The following AHSA1 variants were observed in gnomAD, a reference collection of about 807,000 sequenced individuals.
AHSA1 encodes the protein activator of HSP90 ATPase activity 1, also known as activator of 90 kDa heat shock protein ATPase homolog 1.
Under a neutral mutation model 46.1 loss-of-function variants are expected in AHSA1, and 14 were observed. The observed-to-expected ratio is 0.30, with a 90% confidence interval of 0.20 to 0.47. The LOEUF is 0.47. Among genes scored for constraint, AHSA1 ranks in the 20% least tolerant of loss-of-function variants. The pLI, the probability that AHSA1 is intolerant of heterozygous loss-of-function variation, is 0.99. For synonymous variants in AHSA1, 147 were observed against 145.8 expected (o/e 1.01, Z -0.06); for missense variants, 333 against 415.9 (o/e 0.80, Z 1.73).
chr14:77,461,702 G>A (rs1461064096), intron 2 of AHSA1, among the ~76,000 whole-genome samples: 2 of 152,164 alleles, frequency 1.3e-5, no homozygotes, highest in Non-Finnish European at 2.9e-5. Context: ...AGATGTGTGT[G>A]TTTTATGTAT....
rs142340978 is a variant in AHSA1, at chr14:77,462,228, G to A, written c.340G>A (p.Val114Met). ...CCCCAATTTGTCTGATGAAAACAGC[G>A]TGGATGAAGTGGAGGTTTGTGCTTC... ...EIPNLSDENS[V>M]DEVEISVSLA... The change falls in exon 3 of 9, where the codon GTG (valine) becomes ATG (methionine). Residue 114 changes from valine (V) to methionine (M), a missense_variant. Val to Met is a conservative substitution (Grantham distance 21). Coordinates refer to ENST00000216479, the MANE Select transcript of AHSA1 (RefSeq NM_012111.3). 9.6e-5 allele frequency: 155 copies of A among 1,613,254 alleles called. 1 individual carries two copies. The highest frequency in any genetic ancestry group is 2.4e-4 in the African/African-American group (18 of 74,900).
At chr14:77,462,356 C>A in intron 3 of AHSA1, 114 bp downstream of exon 3, 2 of 1,034,724 alleles carry the variant, frequency 1.9e-6, no homozygotes, top group South Asian at 1.5e-5. Context: ...CATTCAGAAC[C>A]CTAGCCTGCA....
chr14:77,458,912 T>C (rs573941611), intron 1 of AHSA1, among the ~76,000 whole-genome samples: 39 of 152,366 alleles, frequency 2.6e-4, no homozygotes, highest in Non-Finnish European at 5.0e-4. Flanking sequence ...TCCTTATTTT[T>C]GAATTCCACT....
chr14:77,464,890 T>C (rs980529899), intron 5 of AHSA1, among the ~76,000 whole-genome samples: 1 of 152,216 alleles, frequency 6.6e-6, no homozygotes, highest in Admixed American at 6.5e-5. Context: ...CGCAGACCTT[T>C]AGAGCAAGTA....
At chr14:77,464,559 A>G (rs2079039937) in intron 4 of AHSA1, 39 bp from the exon 5 acceptor site, 1 of 1,557,588 alleles carries the variant, frequency 6.4e-7, no homozygotes, top group Non-Finnish European at 8.8e-7. Flanking sequence ...CTCAGCTACT[A>G]AGAAGTAACT....
At chr14:77,459,950 C>T (rs2079014548) in intron 2 of AHSA1, 144 bp downstream of exon 2, 6 of 862,672 alleles carry the variant, frequency 7.0e-6, no homozygotes, top group South Asian at 6.4e-5. Flanking sequence ...AAAGCAGTAT[C>T]GAGTCCTGGA....
chr14:77,463,926 G>A (rs1177847639), intron 4 of AHSA1, among the ~76,000 whole-genome samples: 1 of 152,258 alleles, frequency 6.6e-6, no homozygotes, highest in Non-Finnish European at 1.5e-5. Flanking sequence ...AAGGCAGAGT[G>A]GAGGAAAGGC....
At chr14:77,459,858 T>C in intron 2 of AHSA1, 52 bp downstream of exon 2, 6 of 1,595,720 alleles carry the variant, frequency 3.8e-6, no homozygotes, top group Non-Finnish European at 5.2e-6. Context: ...GTTTAACCTG[T>C]TAAGTAGCTG....
chr14:77,465,493 T>C, intron 5 of AHSA1, 46 bp from the exon 6 acceptor site: 1 of 1,598,254 alleles, frequency 6.3e-7, no homozygotes, highest in South Asian at 1.1e-5. Context: ...TTGATTGAGG[T>C]TGTATCATTA....
At chr14:77,460,417 T>C (rs568825390) in intron 2 of AHSA1, among the ~76,000 whole-genome samples, 1 of 140,816 alleles carries the variant, frequency 7.1e-6, no homozygotes, top group East Asian at 1.9e-4. Context: ...GCATGAAATT[T>C]GTGCTTTGAT....
At chr14:77,462,617 C>T (rs767550860) in intron 3 of AHSA1, 25 bp from the exon 4 acceptor site, 1 of 1,606,988 alleles carries the variant, frequency 6.2e-7, no homozygotes, top group Admixed American at 1.7e-5. Context: ...AGTTATTTAC[C>T]ACCTACTTCT....
In AHSA1 at chr14:77,464,662, A is replaced by C; in HGVS notation, c.537A>C (p.Pro179=). 6.2e-7 allele frequency: 1 copy of C among 1,614,014 alleles called. No individual in the cohort carries two copies. The highest frequency in any genetic ancestry group is 8.5e-7 in the Non-Finnish European group (1 of 1,180,028). ...AGTCAGTAGACCCAGTGGGGCAGCC[A>C]GCACTGAAAACTGAGGAGCGCAAGG... is the stretch of plus-strand genomic sequence containing the variant. ...NGESVDPVGQ[P]ALKTEERKAK... The change falls in exon 5 of 9, where the codon CCA becomes CCC. Residue 179 remains proline (P), a synonymous_variant. Coordinates refer to ENST00000216479, the MANE Select transcript of AHSA1 (RefSeq NM_012111.3).
chr14:77,457,994 T>C (rs1358971066), upstream of AHSA1: 1 of 526,364 alleles, frequency 1.9e-6, no homozygotes, highest in Non-Finnish European at 3.3e-6. Context: ...TGCGGCGAGT[T>C]GGGACGGAAG....
At chr14:77,459,543 C>A in intron 1 of AHSA1, 73 bp from the exon 2 acceptor site, 1 of 1,502,644 alleles carries the variant, frequency 6.7e-7, no homozygotes, top group Non-Finnish European at 9.2e-7. Context: ...CTCCTTTAAC[C>A]TCGTATTCTC....
At chr14:77,468,982 A>G (rs1434401573) in intron 8 of AHSA1, 95 bp from the exon 9 acceptor site, 1 of 1,415,300 alleles carries the variant, frequency 7.1e-7, no homozygotes, top group South Asian at 1.3e-5. Flanking sequence ...TGCTGGGATT[A>G]CAGGTGTGAG....
chr14:77,468,536 C>A, intron 8 of AHSA1, 28 bp downstream of exon 8: 1 of 1,588,836 alleles, frequency 6.3e-7, no homozygotes, highest in Non-Finnish European at 8.6e-7. Context: ...TTGCCATTAC[C>A]CCCAGAACTT....
intron 3 of AHSA1, 174 bp from the exon 4 acceptor site, chr14:77,462,468 A>T: frequency 1.3e-6 from 1 of 746,432 alleles, no homozygotes; most frequent in Non-Finnish European, 2.3e-6. Flanking sequence ...AACTAACATT[A>T]GCCACTTGAC....
rs1027340914 is a variant in AHSA1 at position 77,468,357 on chromosome 14, C to T, written c.793-100C>T. The T allele has an allele frequency of 1.3e-5, 17 of 1,270,348 alleles. No individual in the cohort carries two copies. In the Admixed American group the frequency reaches 3.5e-4, roughly 26 times the overall value. The allele number at this position is 1,270,348 out of a possible 1,614,324, so 78.7% of individuals were successfully genotyped here. A position where few individuals can be genotyped will look rare whatever the true frequency, so the allele number is the denominator to read the frequency against. On this transcript the variant is annotated intron_variant, in intron 7 of 8. Transcript: ENST00000216479. ...AACTGTCTTGCAAGTAATATAATTG[C>T]ACAGATGGTAGACTCCGTATGAAGG...
intron 1 of AHSA1, among the ~76,000 whole-genome samples, chr14:77,458,954 T>C (rs1003903692): frequency 1.3e-5 from 2 of 152,276 alleles, no homozygotes; most frequent in Non-Finnish European, 2.9e-5. Context: ...TATTGTACCG[T>C]TACTTTGTTG....
Sources: allele counts gnomAD v4.1 joint callset (sites outside exome capture counted in the v4.1 genomes callset), GRCh38; gene constraint gnomAD v4.1.1; transcripts MANE v1.5; gene names NCBI Gene and HGNC (gene_info 2026-07-23, HGNC 2026-07-21).